ATP11C: variants seen among roughly 807,000 people sequenced by gnomAD.
The protein encoded by ATP11C is phospholipid-transporting ATPase IG.
A neutral mutation model predicts 97.4 loss-of-function variants in ATP11C; 36 were observed. The ratio of observed to expected loss-of-function variants is 0.37; its 90% CI spans 0.28 to 0.49. ATP11C has a LOEUF of 0.49. Ranked by LOEUF, ATP11C falls within the 20% of genes least tolerant of loss-of-function variation. ATP11C has a pLI of 0.98. For missense variants in ATP11C, 730 were observed against 824.6 expected (o/e 0.89, Z 1.40); for synonymous variants, 275 against 290.9 (o/e 0.95, Z 0.56).
intron 1 of ATP11C, among the ~76,000 whole-genome samples, chrX:139,886,301 C>A (rs914368257): frequency 1.8e-5 from 2 of 110,833 alleles, no homozygotes; most frequent in African/African-American, 3.3e-5. Flanking sequence ...TTTAAAAGCA[C>A]CAGTTGTGGC....
At chrX:139,924,177 T>C (rs751353935) in intron 1 of ATP11C, 8 of 386,292 alleles carry the variant, frequency 2.1e-5, no homozygotes, top group South Asian at 1.6e-4. Context: ...CAGCAAGTGT[T>C]GACGCTAAAC....
chrX:139,786,370 G>C (rs1226271541), intron 15 of ATP11C, among the ~76,000 whole-genome samples: 2 of 111,619 alleles, frequency 1.8e-5, no homozygotes, highest in Non-Finnish European at 3.8e-5. Flanking sequence ...CATCTGGTTT[G>C]CTGTTGGCCA....
At chrX:139,893,319 C>A (rs2084758531) in intron 1 of ATP11C, among the ~76,000 whole-genome samples, 1 of 111,851 alleles carries the variant, frequency 8.9e-6, no homozygotes, top group African/African-American at 3.3e-5. Flanking sequence ...CTCAGCCTCC[C>A]AAAGTGCTGG....
At chrX:139,866,798 A>G (rs191118743) in intron 1 of ATP11C, among the ~76,000 whole-genome samples, 1 of 110,939 alleles carries the variant, frequency 9.0e-6, no homozygotes, top group East Asian at 2.9e-4. Context: ...TTAACAATAC[A>G]CTGGCGAGGC....
intron 1 of ATP11C, among the ~76,000 whole-genome samples, chrX:139,915,195 T>G (rs2148147608): frequency 8.9e-6 from 1 of 111,872 alleles, no homozygotes; most frequent in South Asian, 3.7e-4. Flanking sequence ...AGCTCCATCT[T>G]TGTGCAATAA....
At chrX:139,763,902 A>G (rs6654371) in intron 20 of ATP11C, among the ~76,000 whole-genome samples, 21,146 of 111,115 alleles carry the variant, frequency 0.19, 3,432 homozygotes, top group African/African-American at 0.52. Flanking sequence ...TCCTAGTTCT[A>G]TGCATATATG....
At chrX:139,902,740 C>T (rs950356398) in intron 1 of ATP11C, among the ~76,000 whole-genome samples, 2 of 111,553 alleles carry the variant, frequency 1.8e-5, no homozygotes, top group Non-Finnish European at 3.8e-5. Flanking sequence ...ACCTTTGTAA[C>T]CTTACCCTGT....
In ATP11C at chrX:139,768,314, A is replaced by G; in HGVS notation, c.2337T>C (p.Cys779=). The change falls in exon 20 of 30, where the codon TGT becomes TGC. Residue 779 remains cysteine (C), a synonymous_variant. Transcript: ENST00000682941. ...NNYKSIFLQI[C]MKCTAVLCCR... Reference sequence around the variant, plus strand: ...AGCAGAGCACTGCAGTACACTTCATACATATTTGTAGGAAAATGCTTTTGT... The same window carrying G: ...AGCAGAGCACTGCAGTACACTTCATGCATATTTGTAGGAAAATGCTTTTGT... The G allele has an allele frequency of 8.4e-7, 1 of 1,188,598 alleles. No homozygotes were observed. Among genetic ancestry groups the G allele is most frequent in the Non-Finnish European group, 1.1e-6 (1 of 883,268 alleles).
intron 26 of ATP11C, among the ~76,000 whole-genome samples, chrX:139,742,874 A>ATAT (rs1462700433): frequency 1.7e-4 from 4 of 24,177 alleles, no homozygotes; most frequent in African/African-American, 7.0e-4. Context: ...TAAAAAAAAA[A>ATAT]AAATATATAT....
intron 20 of ATP11C, among the ~76,000 whole-genome samples, chrX:139,763,830 A>G (rs1221152368): frequency 8.9e-6 from 1 of 112,235 alleles, no homozygotes; most frequent in Non-Finnish European, 1.9e-5. Context: ...AATATGTACA[A>G]TAGTGTCAAA....
At chrX:139,931,771 T>C (rs1404913940) in intron 1 of ATP11C, among the ~76,000 whole-genome samples, 142 of 99,722 alleles carry the variant, frequency 1.4e-3, no homozygotes, top group African/African-American at 4.8e-3. Context: ...TCAGGCAGAG[T>C]TTGTAACAGC....
intron 29 of ATP11C, among the ~76,000 whole-genome samples, chrX:139,729,289 G>C (rs769354333): frequency 1.8e-5 from 2 of 111,444 alleles, no homozygotes; most frequent in East Asian, 5.7e-4. Context: ...TCTAGGCTGG[G>C]AGGTCCTTGA....
At chrX:139,857,155 G>A (rs763310565) in intron 1 of ATP11C, among the ~76,000 whole-genome samples, 2 of 111,540 alleles carry the variant, frequency 1.8e-5, no homozygotes, top group African/African-American at 6.5e-5. Context: ...GTCATACCAT[G>A]CACCCGTAAG....
rs762507305 is a variant in ATP11C at position 139,785,312 on chromosome X, T to C, written c.1593-13A>G. 6.9e-6 allele frequency: 8 copies of C among 1,163,492 alleles called. No homozygotes were observed. In the East Asian group the frequency reaches 9.0e-5, roughly 13 times the overall value. On this transcript the variant is annotated splice_polypyrimidine_tract_variant and intron_variant, in intron 15 of 29. Coordinates refer to ENST00000682941, the MANE Select transcript of ATP11C (RefSeq NM_001353812.2). ...AAGAAGTTCATATCTTTAAGAGAAA[T>C]GAGCAAAGTAAAAAACCTAGAATAT...
intron 20 of ATP11C, among the ~76,000 whole-genome samples, chrX:139,765,150 G>T (rs1251483323): frequency 9.0e-6 from 1 of 110,973 alleles, no homozygotes; most frequent in Non-Finnish European, 1.9e-5. Context: ...AAGGGATTTA[G>T]ATTCGTAAAC....
chrX:139,730,936 T>C (rs1349721366), intron 29 of ATP11C, among the ~76,000 whole-genome samples: 3 of 111,564 alleles, frequency 2.7e-5, no homozygotes, highest in Non-Finnish European at 5.7e-5. Context: ...TGGGGGTAAA[T>C]GAAACATTAT....
intron 19 of ATP11C, among the ~76,000 whole-genome samples, chrX:139,774,205 T>C (rs1471964047): frequency 1.8e-5 from 2 of 111,550 alleles, no homozygotes; most frequent in Admixed American, 1.9e-4. Flanking sequence ...GAAAGTAGAG[T>C]CAAAGCGGCC....
intron 18 of ATP11C, among the ~76,000 whole-genome samples, chrX:139,782,322 G>T (rs2082479255): frequency 9.6e-6 from 1 of 103,842 alleles, no homozygotes; most frequent in African/African-American, 3.5e-5. Context: ...GCGAGACTCT[G>T]TCTCAAAAAA....
At chrX:139,920,185 C>T (rs989002437) in intron 1 of ATP11C, among the ~76,000 whole-genome samples, 2 of 109,342 alleles carry the variant, frequency 1.8e-5, no homozygotes, top group Non-Finnish European at 3.8e-5. Flanking sequence ...AGCAAAACCC[C>T]GTCTCTACTA....
Sources: allele counts gnomAD v4.1 joint callset (sites outside exome capture counted in the v4.1 genomes callset), GRCh38; gene constraint gnomAD v4.1.1; transcripts MANE v1.5; gene names NCBI Gene and HGNC (gene_info 2026-07-23, HGNC 2026-07-21).